Variants in YIPF5 observed in about 807,000 individuals in gnomAD.
The protein encoded by YIPF5 is protein YIPF5.
Under a neutral mutation model 30.4 loss-of-function variants are expected in YIPF5, and 8 were observed. The ratio of observed to expected loss-of-function variants is 0.26; its 90% CI spans 0.15 to 0.47. YIPF5 has a LOEUF of 0.47. Among genes scored for constraint, YIPF5 ranks in the 20% least tolerant of loss-of-function variants. YIPF5 has a pLI of 0.99. For synonymous variants in YIPF5, 104 were observed against 107.9 expected (o/e 0.96, Z 0.23); for missense variants, 282 against 301.8 (o/e 0.93, Z 0.49).
In YIPF5 at chr5:144,162,376, A is replaced by G. The variant is rs1198910100; in HGVS notation, c.453T>C (p.Tyr151=). 2.5e-6 allele frequency: 4 copies of G among 1,612,332 alleles called. No individual in the cohort carries two copies. Among genetic ancestry groups the G allele is most frequent in the Non-Finnish European group, 3.4e-6 (4 of 1,179,316 alleles). The change falls in exon 5 of 6, where the codon TAT becomes TAC. Residue 151 remains tyrosine, a synonymous_variant. Transcript: ENST00000274496. The part of the protein sequence containing the change: ...LLLAGKIQFG[Y]VYGISAIGCL... ...ATCCAATTGCACTGATCCCGTATACATAGCCAAACTGGATTTTGCCAGCCT... is the reference window on the plus strand; with the variant it reads ...ATCCAATTGCACTGATCCCGTATACGTAGCCAAACTGGATTTTGCCAGCCT...
chr5:144,160,096 CA>C lies in YIPF5; in HGVS notation c.*300del. 9.6e-7 allele frequency: 1 copy of C among 1,042,268 alleles called. No individual in the cohort carries two copies. The highest frequency in any genetic ancestry group is 4.4e-5 in the South Asian group (1 of 22,838). 64.6% of individuals were successfully genotyped at this position (1,042,268 alleles called of 1,614,324 possible). A position where few individuals can be genotyped will look rare whatever the true frequency, so the allele number is the denominator to read the frequency against. On this transcript the variant is annotated 3_prime_UTR_variant, in exon 6 of 6. Transcript: ENST00000274496. The stretch of plus-strand genomic sequence containing the variant: ...TTTCCCACAGTTGATAAAAATCTAT[CA>C]AAAACATTATAATTTGCAAGGAAAA...
Position 144,160,069 on chromosome 5 carries a change from G to C in YIPF5, c.*328C>G, listed in dbSNP as rs1014071994. On this transcript the variant is annotated 3_prime_UTR_variant, in exon 6 of 6. Coordinates refer to ENST00000274496, the MANE Select transcript of YIPF5 (RefSeq NM_030799.9). ...AAGAAAGGTTATCAGCTTTGTGTTTGGTTTCCCACAGTTGATAAAAATCTA... is the reference window on the plus strand; with the variant it reads ...AAGAAAGGTTATCAGCTTTGTGTTTCGTTTCCCACAGTTGATAAAAATCTA... 1 of 1,008,004 alleles carries C rather than the reference G, an allele frequency of 9.9e-7. No individual in the cohort carries two copies. Among genetic ancestry groups the C allele is most frequent in the Non-Finnish European group, 1.2e-6 (1 of 845,150 alleles). 62.4% of individuals were successfully genotyped at this position (1,008,004 alleles called of 1,614,324 possible).
Position 144,158,320 on chromosome 5 carries a change from G to A in YIPF5, c.*2077C>T. 1 of 778,286 alleles carries A rather than the reference G, an allele frequency of 1.3e-6. No homozygotes were observed. The highest frequency in any genetic ancestry group is 1.8e-6 in the Non-Finnish European group (1 of 551,066). 48.2% of individuals were successfully genotyped at this position (778,286 alleles called of 1,614,324 possible). ...GCATAGCTGTTTTGACAGAGCAACA[G>A]TTAAGCATAAAATAGCTTTGCACCT... On this transcript the variant is annotated 3_prime_UTR_variant, in exon 6 of 6. Transcript: ENST00000274496.
At chr5:144,169,247 A>T (rs1580760765) in intron 2 of YIPF5, among the ~76,000 whole-genome samples, 3 of 151,708 alleles carry the variant, frequency 2.0e-5, no homozygotes, top group African/African-American at 7.3e-5. Flanking sequence ...AAGATCATTT[A>T]AAAAAAAATG....
In YIPF5 at chr5:144,159,213, TAA is replaced by T. The variant is rs1201918861; in HGVS notation, c.*1182_*1183del. The T allele has an allele frequency of 1.0e-6, 1 of 983,998 alleles. No homozygotes were observed. Among genetic ancestry groups the T allele is most frequent in the African/African-American group, 1.7e-5 (1 of 57,182 alleles). 61.0% of individuals were successfully genotyped at this position (983,998 alleles called of 1,614,324 possible). ...TTAGGGGTCAAAATCAGAGCCTAGTTAAAAAAGAGACAAAGAGAACAGTAGTT... is the reference window on the plus strand; with the variant it reads ...TTAGGGGTCAAAATCAGAGCCTAGTTAAAAGAGACAAAGAGAACAGTAGTT... On this transcript the variant is annotated 3_prime_UTR_variant, in exon 6 of 6. Coordinates refer to ENST00000274496, the MANE Select transcript of YIPF5 (RefSeq NM_030799.9).
Position 144,158,717 on chromosome 5 carries a change from T to A in YIPF5, c.*1680A>T. 9.8e-7 allele frequency: 1 copy of A among 1,016,958 alleles called. No individual in the cohort carries two copies. Among genetic ancestry groups the A allele is most frequent in the Non-Finnish European group, 1.2e-6 (1 of 851,118 alleles). 63.0% of individuals were successfully genotyped at this position (1,016,958 alleles called of 1,614,324 possible). A position where few individuals can be genotyped will look rare whatever the true frequency, so the allele number is the denominator to read the frequency against. ...TCCAAATTGCTTTTTTAAAGCAATT[T>A]GGTAAGTTTGAAAACCTAGCCCAAA... On this transcript the variant is annotated 3_prime_UTR_variant, in exon 6 of 6. Coordinates refer to ENST00000274496, the MANE Select transcript of YIPF5 (RefSeq NM_030799.9).
rs1752319359 is a variant in YIPF5 at position 144,169,895 on chromosome 5, G to C, written c.61C>G (p.Gln21Glu). The change falls in exon 2 of 6, where the codon CAG becomes GAG. Residue 21 changes from glutamine (Q) to glutamate (E), a missense_variant. Coordinates refer to ENST00000274496, the MANE Select transcript of YIPF5 (RefSeq NM_030799.9). The part of the protein sequence containing the change: ...FYQTSYSIDD[Q>E]SQQSYDYGGS... ...CCATAATCATAGGACTGCTGTGACT[G>C]ATCATCGATGCTGTAACTTGTCTGG... 3.1e-6 allele frequency: 5 copies of C among 1,614,098 alleles called. No homozygotes were observed. The South Asian group carries it at 4.4e-5, about 14-fold the overall frequency.
intron 5 of YIPF5, 37 bp from the exon 6 acceptor site, chr5:144,160,596 A>C: frequency 6.4e-7 from 1 of 1,552,074 alleles, no homozygotes; most frequent in Non-Finnish European, 8.8e-7. Context: ...AGAAGAAAAA[A>C]AAGCAGATGA....
chr5:144,164,159 C>T lies in YIPF5; in HGVS notation c.381G>A (p.Leu127=). 6.2e-7 allele frequency: 1 copy of T among 1,613,380 alleles called. No homozygotes were observed. The highest frequency in any genetic ancestry group is 1.3e-5 in the African/African-American group (1 of 74,974). The part of the protein sequence containing the change: ...ADGSIMNETD[L]AGPMVFCLAF... The stretch of plus-strand genomic sequence containing the variant: ...CAAGGCAAAAAACCATTGGACCTGC[C>T]AAATCAGTTTCATTCATGATGCTGC... The change falls in exon 4 of 6, where the codon TTG becomes TTA. Residue 127 remains leucine (L), a synonymous_variant. Coordinates refer to ENST00000274496, the MANE Select transcript of YIPF5 (RefSeq NM_030799.9).
intron 2 of YIPF5, among the ~76,000 whole-genome samples, chr5:144,168,243 A>G (rs1752253700): frequency 6.6e-6 from 1 of 152,206 alleles, no homozygotes; most frequent in South Asian, 2.1e-4. Flanking sequence ...AATGACTGTT[A>G]AAGGGAATGA....
intron 2 of YIPF5, among the ~76,000 whole-genome samples, chr5:144,168,299 G>C (rs1752255683): frequency 6.6e-6 from 1 of 152,150 alleles, no homozygotes; most frequent in African/African-American, 2.4e-5. Flanking sequence ...GGACAGGACA[G>C]AAAAGAAAAG....
At chr5:144,160,627 T>C in intron 5 of YIPF5, 68 bp from the exon 6 acceptor site, 1 of 1,275,020 alleles carries the variant, frequency 7.8e-7, no homozygotes, top group Admixed American at 2.4e-5. Context: ...GTAAGAATAC[T>C]ACAATAACCT....
Position 144,159,925 on chromosome 5 carries a change from G to A in YIPF5, c.*472C>T. ...GGGTTTCACCGTGTTAACCAGGATG[G>A]TCTCGATCTCCTGCCCTTGTGATCC... On this transcript the variant is annotated 3_prime_UTR_variant, in exon 6 of 6. Coordinates refer to ENST00000274496, the MANE Select transcript of YIPF5 (RefSeq NM_030799.9). The A allele has an allele frequency of 1.2e-6, 1 of 805,208 alleles. No individual in the cohort carries two copies. The highest frequency in any genetic ancestry group is 1.5e-6 in the Non-Finnish European group (1 of 665,744). The allele number at this position is 805,208 out of a possible 1,614,324, so 49.9% of individuals were successfully genotyped here.
chr5:144,165,525 C>G lies in YIPF5; in HGVS notation c.190G>C (p.Gly64Arg). The part of the protein sequence containing the change: ...DMMQPQQPYT[G>R]QIYQPTQAYT... ...GCCTGAGTTGGCTGGTAAATCTGCC[C>G]GGTGTATGGCTGTTGTGGCTGCATC... Residue 64 changes from glycine to arginine, a missense_variant, in exon 3 of 6, where the codon GGG (glycine) becomes CGG (arginine). By Grantham distance (125) the Gly-to-Arg change is moderately radical. Transcript: ENST00000274496. The G allele has an allele frequency of 6.2e-7, 1 of 1,614,062 alleles. No homozygotes were observed. Among genetic ancestry groups the G allele is most frequent in the South Asian group, 1.1e-5 (1 of 91,076 alleles).
intron 4 of YIPF5, among the ~76,000 whole-genome samples, chr5:144,162,844 A>G (rs934581881): frequency 1.3e-5 from 2 of 152,178 alleles, no homozygotes; most frequent in African/African-American, 2.4e-5. Flanking sequence ...AGGTAGTCAT[A>G]ATCTTTTTAA....
Position 144,158,314 on chromosome 5 carries a change from G to A in YIPF5, c.*2083C>T. 1.4e-6 allele frequency: 1 copy of A among 728,606 alleles called. No individual in the cohort carries two copies. The highest frequency in any genetic ancestry group is 1.6e-5 in the South Asian group (1 of 61,332). 45.1% of individuals were successfully genotyped at this position (728,606 alleles called of 1,614,324 possible). A position where few individuals can be genotyped will look rare whatever the true frequency, so the allele number is the denominator to read the frequency against. On this transcript the variant is annotated 3_prime_UTR_variant, in exon 6 of 6. Transcript: ENST00000274496. ...TCCACTGCATAGCTGTTTTGACAGA[G>A]CAACAGTTAAGCATAAAATAGCTTT...
intron 5 of YIPF5, 127 bp from the exon 6 acceptor site, chr5:144,160,686 G>T: frequency 2.6e-6 from 2 of 775,788 alleles, no homozygotes; most frequent in Middle Eastern, 2.8e-4. Context: ...GTAGACATAT[G>T]CAAAAATAAT....
At position 144,167,389 on chromosome 5, in the gene YIPF5, A is replaced by G. The variant is rs1309639666; in HGVS notation, c.111-1785T>C. Among the ~76,000 whole-genome samples the G allele has an allele frequency of 2.6e-5, 4 of 152,172 alleles. No individual in the cohort carries two copies. In the East Asian group the frequency reaches 7.7e-4, roughly 29 times the overall value. On this transcript the variant is annotated intron_variant, in intron 2 of 5. Coordinates refer to ENST00000274496, the MANE Select transcript of YIPF5 (RefSeq NM_030799.9). The stretch of plus-strand genomic sequence containing the variant: ...CAGATACTAAATCAATACTCTCATA[A>G]GTACTCTGTACCAGTAACAAAGACA...
chr5:144,168,256 C>T (rs982201037), intron 2 of YIPF5, among the ~76,000 whole-genome samples: 1 of 151,908 alleles, frequency 6.6e-6, no homozygotes, highest in South Asian at 2.1e-4. Flanking sequence ...GGGAATGAGA[C>T]TGTAAGTCAC....
Sources: gnomAD v4.1 joint callset for allele counts (sites outside exome capture counted in the v4.1 genomes callset) on GRCh38, gnomAD v4.1.1 for gene constraint, MANE v1.5 for transcripts, NCBI Gene and HGNC (gene_info 2026-07-23, HGNC 2026-07-21) for gene names.